The following SGCD variants were observed in gnomAD, a reference collection of about 807,000 sequenced individuals.
SGCD encodes delta-sarcoglycan.
A neutral mutation model predicts 36.6 loss-of-function variants in SGCD; 18 were observed. The observed-to-expected ratio is 0.49, with a 90% CI of 0.34 to 0.73. The LOEUF (loss-of-function observed/expected upper bound fraction) is 0.73, where lower values mean the gene tolerates loss of function less well. Among genes scored for constraint, SGCD ranks in the 30% least tolerant of loss-of-function variants. The probability of loss-of-function intolerance (pLI) is 0.01; values close to 1 mark genes in which losing one functional copy is unlikely to be tolerated. For missense variants in SGCD, 387 were observed against 346.7 expected (o/e 1.12, Z -0.92); for synonymous variants, 133 against 130.6 (o/e 1.02, Z -0.12).
chr5:156,622,435 A>AAATAATAATAATAAT (rs56979795), intron 6 of SGCD, among the ~76,000 whole-genome samples: 7 of 137,074 alleles, frequency 5.1e-5, no homozygotes, highest in East Asian at 4.2e-4. Flanking sequence ...TCTGTCTAAA[A>AAATAATAATAATAAT]AATAATAATA....
intron 3 of SGCD, among the ~76,000 whole-genome samples, chr5:156,267,026 T>C (rs1374447944): frequency 6.6e-6 from 1 of 152,156 alleles, no homozygotes; most frequent in African/African-American, 2.4e-5. Context: ...ATTGAAAATA[T>C]TAATTGTGTT....
chr5:156,457,265 G>T (rs1263271369), intron 3 of SGCD, among the ~76,000 whole-genome samples: 1 of 152,036 alleles, frequency 6.6e-6, no homozygotes, highest in Non-Finnish European at 1.5e-5. Context: ...TCTTCAAGTT[G>T]GTCACTCTTG....
intron 7 of SGCD, among the ~76,000 whole-genome samples, chr5:156,695,028 A>G (rs1461761141): frequency 1.3e-5 from 2 of 152,140 alleles, no homozygotes; most frequent in Non-Finnish European, 2.9e-5. Context: ...CTTAACTGCA[A>G]ACCAATCAAA....
At chr5:155,836,262 T>C in the SGCD span, among the ~76,000 whole-genome samples, 133,881 of 152,200 alleles carry the variant, frequency 0.88, 58,964 homozygotes, top group East Asian at 0.99. Flanking sequence ...CTGTTCCAGA[T>C]GTGGAGCCCT....
rs576613412 is a variant in SGCD, at chr5:156,291,134, T to C, written c.-43-38400T>C. 4.4e-4 allele frequency among the ~76,000 whole-genome samples: 67 copies of C among 152,232 alleles called. 2 individuals are homozygous for C. The South Asian group carries it at 0.014, about 31-fold the overall frequency. On this transcript the variant is annotated intron_variant, in intron 3 of 9. Coordinates refer to the SGCD transcript ENST00000517913. ...CAAAGATGGTATTGAGTTGGTTCAGTGGGTACAAACATACAGTTAGACAGA... is the reference window on the plus strand; with the variant it reads ...CAAAGATGGTATTGAGTTGGTTCAGCGGGTACAAACATACAGTTAGACAGA...
the SGCD span, among the ~76,000 whole-genome samples, chr5:155,775,343 A>C: frequency 6.6e-6 from 1 of 152,112 alleles, no homozygotes; most frequent in Non-Finnish European, 1.5e-5. Flanking sequence ...AGCACATAAC[A>C]CACCTGAAAT....
At chr5:155,884,169 C>T (rs529557528) in intron 1 of SGCD, among the ~76,000 whole-genome samples, 1 of 152,152 alleles carries the variant, frequency 6.6e-6, no homozygotes, top group Non-Finnish European at 1.5e-5. Context: ...GATGATGAAT[C>T]CTTTACCGAG....
At chr5:156,457,737 G>A (rs1561708482) in intron 3 of SGCD, among the ~76,000 whole-genome samples, 1 of 152,176 alleles carries the variant, frequency 6.6e-6, no homozygotes, top group Non-Finnish European at 1.5e-5. Context: ...AAATGTAAAT[G>A]TCTCTCATGC....
intron 4 of SGCD, among the ~76,000 whole-genome samples, chr5:156,511,502 G>A (rs754742627): frequency 1.3e-5 from 2 of 152,178 alleles, no homozygotes; most frequent in East Asian, 1.9e-4. Flanking sequence ...TTGGTTTCCT[G>A]TTGCATCTGG....
At chr5:155,775,909 C>T in the SGCD span, among the ~76,000 whole-genome samples, 1 of 152,112 alleles carries the variant, frequency 6.6e-6, no homozygotes, top group Non-Finnish European at 1.5e-5. Flanking sequence ...ATAGGGGATT[C>T]AATCTGGGTC....
chr5:156,156,796 G>A (rs74765853), intron 3 of SGCD, among the ~76,000 whole-genome samples: 48 of 151,378 alleles, frequency 3.2e-4, no homozygotes, highest in Admixed American at 2.6e-3. Flanking sequence ...TTGGGATTCC[G>A]CCCTCAAATG....
At chr5:156,098,128 C>T (rs940450684) in intron 1 of SGCD, among the ~76,000 whole-genome samples, 8 of 152,172 alleles carry the variant, frequency 5.3e-5, no homozygotes, top group Admixed American at 6.5e-5. Flanking sequence ...TATTTTGAGT[C>T]CACAGGAATA....
intron 3 of SGCD, among the ~76,000 whole-genome samples, chr5:156,194,410 A>C (rs1763971346): frequency 6.6e-6 from 1 of 152,094 alleles, no homozygotes; most frequent in Non-Finnish European, 1.5e-5. Flanking sequence ...AAAGGAAAAA[A>C]TACTGTGTAA....
intron 3 of SGCD, among the ~76,000 whole-genome samples, chr5:156,355,827 G>A (rs1472235992): frequency 6.6e-6 from 1 of 152,164 alleles, no homozygotes; most frequent in Non-Finnish European, 1.5e-5. Context: ...AATAGGGATG[G>A]GGTTTCGCCA....
chr5:156,608,505 A>G (rs184392535), intron 6 of SGCD, among the ~76,000 whole-genome samples: 48 of 152,340 alleles, frequency 3.2e-4, no homozygotes, highest in African/African-American at 1.1e-3. Context: ...TGGTTCTGAG[A>G]AGAATGTATA....
chr5:156,738,825 A>G (rs1350597105), intron 7 of SGCD, among the ~76,000 whole-genome samples: 1 of 152,226 alleles, frequency 6.6e-6, no homozygotes, highest in Non-Finnish European at 1.5e-5. Context: ...AGTGCTACAA[A>G]GAAGACACCA....
intron 1 of SGCD, among the ~76,000 whole-genome samples, chr5:155,943,103 T>C (rs917504973): frequency 6.6e-6 from 1 of 152,200 alleles, no homozygotes; most frequent in African/African-American, 2.4e-5. Context: ...AGATTTTCCA[T>C]AGAGGTTAGG....
intron 3 of SGCD, among the ~76,000 whole-genome samples, chr5:156,235,144 A>T (rs1765123546): frequency 6.6e-6 from 1 of 152,214 alleles, no homozygotes; most frequent in South Asian, 2.1e-4. Context: ...AACTATTTTA[A>T]TGAGGAGAAG....
At chr5:155,861,136 G>A in the SGCD span, among the ~76,000 whole-genome samples, 1 of 152,138 alleles carries the variant, frequency 6.6e-6, no homozygotes, top group Non-Finnish European at 1.5e-5. Context: ...AACGTGCCAA[G>A]CCTAGTGTCT....
Sources: allele counts gnomAD v4.1 joint callset (sites outside exome capture counted in the v4.1 genomes callset), GRCh38; gene constraint gnomAD v4.1.1; transcripts MANE v1.5; gene names NCBI Gene and HGNC (gene_info 2026-07-23, HGNC 2026-07-21).